The following CLDN10 variants were observed in gnomAD, a reference collection of about 807,000 sequenced individuals.
CLDN10 encodes claudin 10, also known as claudin-10.
CLDN10 carries 15 observed loss-of-function variants against 22.9 expected under a neutral mutation model. That is an observed-to-expected ratio of 0.65 (90% CI 0.44 to 1.01). The LOEUF is 1.01. CLDN10 is among the 50% of genes least tolerant of loss of function. The pLI is 0.00. For missense variants in CLDN10, 247 were observed against 287.8 expected (o/e 0.86, Z 1.03); for synonymous variants, 114 against 111.4 (o/e 1.02, Z -0.15).
intron 1 of CLDN10, among the ~76,000 whole-genome samples, chr13:95,510,496 G>T (rs1192526717): frequency 6.6e-6 from 1 of 152,014 alleles, no homozygotes; most frequent in Admixed American, 6.6e-5. Context: ...TGTTTTCCCG[G>T]GTTAATGGTA....
chr13:95,560,326 T>A, intron 2 of CLDN10, 33 bp downstream of exon 2: 1 of 1,613,516 alleles, frequency 6.2e-7, no homozygotes, highest in Non-Finnish European at 8.5e-7. Context: ...ACAAGGTACT[T>A]GATGATGTTA....
intron 1 of CLDN10, among the ~76,000 whole-genome samples, chr13:95,499,701 GA>G (rs1313381633): frequency 6.6e-6 from 1 of 152,178 alleles, no homozygotes; most frequent in Non-Finnish European, 1.5e-5. Flanking sequence ...GTCTGGGAGG[GA>G]AACTGCCTAA....
intron 1 of CLDN10, among the ~76,000 whole-genome samples, chr13:95,539,498 T>G (rs2043437475): frequency 1.3e-5 from 2 of 152,230 alleles, no homozygotes; most frequent in Non-Finnish European, 2.9e-5. Context: ...TCTGAATTAA[T>G]TTGCTTAGAA....
chr13:95,472,455 G>A (rs1039427312), intron 1 of CLDN10, among the ~76,000 whole-genome samples: 4 of 152,122 alleles, frequency 2.6e-5, no homozygotes, highest in Admixed American at 2.0e-4. Context: ...GCCGAGGTGG[G>A]TAGATCACTT....
At chr13:95,457,807 C>T (rs1019322635) in intron 1 of CLDN10, among the ~76,000 whole-genome samples, 1 of 152,130 alleles carries the variant, frequency 6.6e-6, no homozygotes, top group South Asian at 2.1e-4. Flanking sequence ...CAAAACTGCA[C>T]TGGGCATATC....
At chr13:95,463,772 A>G (rs12864140) in intron 1 of CLDN10, among the ~76,000 whole-genome samples, 31,853 of 151,980 alleles carry the variant, frequency 0.21, 4,145 homozygotes, top group Non-Finnish European at 0.3. Flanking sequence ...CAGTGACCCA[A>G]TACACAGGCT....
chr13:95,520,170 G>A (rs1374338079), intron 1 of CLDN10, among the ~76,000 whole-genome samples: 1 of 152,098 alleles, frequency 6.6e-6, no homozygotes, highest in Non-Finnish European at 1.5e-5. Flanking sequence ...ACTAATACCA[G>A]ATTAATCTTT....
intron 1 of CLDN10, among the ~76,000 whole-genome samples, chr13:95,530,052 T>C (rs755413162): frequency 6.6e-6 from 1 of 152,198 alleles, no homozygotes; most frequent in Admixed American, 6.6e-5. Flanking sequence ...TCAAACCACA[T>C]GCATATAATG....
intron 1 of CLDN10, among the ~76,000 whole-genome samples, chr13:95,544,781 CT>C (rs769985564): frequency 1.8e-3 from 260 of 144,972 alleles, no homozygotes; most frequent in African/African-American, 2.9e-3. Context: ...TAGTTTTCAA[CT>C]TTTTTTTTTT....
At chr13:95,439,974 C>T (rs1326662029) in intron 1 of CLDN10, among the ~76,000 whole-genome samples, 2 of 150,748 alleles carry the variant, frequency 1.3e-5, no homozygotes, top group East Asian at 2.0e-4. Flanking sequence ...AGTGCAGTGG[C>T]GTGATCCCAA....
intron 1 of CLDN10, among the ~76,000 whole-genome samples, chr13:95,507,628 T>A (rs200073740): frequency 0.016 from 2,298 of 141,118 alleles, 59 homozygotes; most frequent in African/African-American, 0.056. Flanking sequence ...AAAAAAAAAA[T>A]TTTTTTTTTT....
intron 1 of CLDN10, among the ~76,000 whole-genome samples, chr13:95,547,636 G>T (rs888789472): frequency 2.0e-5 from 3 of 152,194 alleles, no homozygotes; most frequent in South Asian, 2.1e-4. Context: ...TGCTGAGTGA[G>T]ATTAGGTGAC....
At chr13:95,448,719 G>GTATTTTATTT (rs59288111) in intron 1 of CLDN10, among the ~76,000 whole-genome samples, 3,209 of 144,188 alleles carry the variant, frequency 0.022, 99 homozygotes, top group African/African-American at 0.058. Context: ...CTAAGCCATA[G>GTATTTTATTT]TATTTTATTT....
chr13:95,480,189 C>T (rs750088701), intron 1 of CLDN10, among the ~76,000 whole-genome samples: 42 of 150,336 alleles, frequency 2.8e-4, no homozygotes, highest in Non-Finnish European at 4.0e-4. Flanking sequence ...GGGAATGACC[C>T]GCCCCCATGA....
chr13:95,482,219 C>A (rs1010545405), intron 1 of CLDN10, among the ~76,000 whole-genome samples: 3 of 152,072 alleles, frequency 2.0e-5, no homozygotes, highest in Admixed American at 1.3e-4. Context: ...TATGTACCCA[C>A]AACAATTACA....
chr13:95,449,708 G>A (rs1028733341), intron 1 of CLDN10, among the ~76,000 whole-genome samples: 14 of 151,146 alleles, frequency 9.3e-5, no homozygotes, highest in Non-Finnish European at 1.9e-4. Context: ...TGGGACTATA[G>A]GTGCACACCA....
intron 1 of CLDN10, among the ~76,000 whole-genome samples, chr13:95,546,047 A>G (rs555536100): frequency 6.6e-6 from 1 of 152,376 alleles, no homozygotes; most frequent in East Asian, 1.9e-4. Flanking sequence ...ATATTATTGA[A>G]CTTCAATTCA....
chr13:95,514,033 G>A (rs2043135214), intron 1 of CLDN10, among the ~76,000 whole-genome samples: 1 of 152,084 alleles, frequency 6.6e-6, no homozygotes, highest in Admixed American at 6.5e-5. Context: ...CAAGACGGGA[G>A]GATGGCTTAA....
chr13:95,449,934 G>A (rs868623216), intron 1 of CLDN10, among the ~76,000 whole-genome samples: 5 of 151,476 alleles, frequency 3.3e-5, no homozygotes, highest in Non-Finnish European at 7.4e-5. Flanking sequence ...TAGTAGAGAC[G>A]GGGTTTCACC....
Sources: allele counts gnomAD v4.1 joint callset (sites outside exome capture counted in the v4.1 genomes callset), GRCh38; gene constraint gnomAD v4.1.1; transcripts MANE v1.5; gene names NCBI Gene and HGNC (gene_info 2026-07-23, HGNC 2026-07-21).